The following EPS8 variants were observed in gnomAD, a reference collection of about 807,000 sequenced individuals.
EPS8 encodes epidermal growth factor receptor kinase substrate 8.
Under a neutral mutation model 103.8 loss-of-function variants are expected in EPS8, and 42 were observed. That is an observed-to-expected ratio of 0.40 (90% confidence interval 0.32 to 0.52). The LOEUF (loss-of-function observed/expected upper bound fraction) is 0.52. Among genes scored for constraint, EPS8 ranks in the 20% least tolerant of loss-of-function variants. The pLI is 0.40. For synonymous variants in EPS8, 344 were observed against 344.6 expected (o/e 1.00, Z 0.02); for missense variants, 969 against 1,005.1 (o/e 0.96, Z 0.49).
rs146712449 is a variant in EPS8 at position 15,701,280 on chromosome 12, A to G, written c.-21-18308T>C. 3.3e-5 allele frequency among the ~76,000 whole-genome samples: 5 copies of G among 152,344 alleles called. No individual in the cohort carries two copies. The highest frequency in any genetic ancestry group is 1.2e-4 in the African/African-American group (5 of 41,574). On this transcript the variant is annotated intron_variant, in intron 1 of 20. Coordinates refer to ENST00000281172, the MANE Select transcript of EPS8 (RefSeq NM_004447.6). The surrounding 1 kb of genome is among the most constrained non-coding windows in gnomAD (Gnocchi z 5.1). The stretch of plus-strand genomic sequence containing the variant: ...TTCAATTGATAAGCATAACTCTAAA[A>G]GGCAGGTACTACTTTTATCTCTAGT...
intron 19 of EPS8, among the ~76,000 whole-genome samples, chr12:15,623,660 T>C (rs978076821): frequency 1.3e-5 from 2 of 152,210 alleles, no homozygotes; most frequent in Admixed American, 1.3e-4. Context: ...GTTTATAATA[T>C]GTCAAGGTCC....
At chr12:15,664,412 A>G (rs1239258026) in intron 8 of EPS8, among the ~76,000 whole-genome samples, 4 of 152,220 alleles carry the variant, frequency 2.6e-5, no homozygotes, top group Non-Finnish European at 5.9e-5. Context: ...CAATTCAGAA[A>G]GAAAATGAAC....
At position 15,716,137 on chromosome 12, in the gene EPS8, G is replaced by C. The variant is rs893319377; in HGVS notation, c.-21-33165C>G. ...CTTGAGAGCTGAAAGAAATCTGAGA[G>C]AGTATCCCAATTCCAATCCCTGTCA... On this transcript the variant is annotated intron_variant, in intron 1 of 20. Transcript: ENST00000281172. This position sits in a 1 kb window ranked among gnomAD's most constrained non-coding sequence, Gnocchi z 5.0. Among the ~76,000 whole-genome samples, 17 of 152,238 alleles carry C rather than the reference G, an allele frequency of 1.1e-4. No homozygotes were observed. Among genetic ancestry groups the C allele is most frequent in the African/African-American group, 3.9e-4 (16 of 41,536 alleles).
At chr12:15,712,285 T>A (rs1205750065) in intron 1 of EPS8, among the ~76,000 whole-genome samples, 1 of 151,948 alleles carries the variant, frequency 6.6e-6, no homozygotes, top group Non-Finnish European at 1.5e-5. Context: ...GTATTTTAGG[T>A]CCCAAGCAAA....
rs1438921821 is a variant in EPS8, at chr12:15,698,682, A to G, written c.-21-15710T>C. 6.6e-6 allele frequency among the ~76,000 whole-genome samples: 1 copy of G among 152,124 alleles called. No individual in the cohort carries two copies. The highest frequency in any genetic ancestry group is 6.5e-5 in the Admixed American group (1 of 15,268). On this transcript the variant is annotated intron_variant, in intron 1 of 20. Coordinates refer to ENST00000281172, the MANE Select transcript of EPS8 (RefSeq NM_004447.6). This position sits in a 1 kb window ranked among gnomAD's most constrained non-coding sequence, Gnocchi z 4.9. ...ACTTTCCCTGCCCTCCTAAGAACTG[A>G]GCTGTTCAATTCCAGATCCTAACAA...
chr12:15,779,946 G>A lies in EPS8; in HGVS notation c.-22+9215C>T, dbSNP rs989788429. The A allele has an allele frequency of 1.3e-5, 2 of 152,118 alleles. No homozygotes were observed. The highest frequency in any genetic ancestry group is 2.9e-5 in the Non-Finnish European group (2 of 68,022). The allele number at this position is 152,118 out of a possible 1,614,324, so 9.4% of individuals were successfully genotyped here. On this transcript the variant is annotated intron_variant, in intron 1 of 20. Transcript: ENST00000281172. The surrounding 1 kb of genome is among the most constrained non-coding windows in gnomAD (Gnocchi z 4.3). ...GCTTCATAGATTATTACATTCTTTT[G>A]TTGCTATGCTACTAAATGTAAGAAT...
At chr12:15,770,981 G>A (rs1432596979) in intron 1 of EPS8, among the ~76,000 whole-genome samples, 1 of 152,098 alleles carries the variant, frequency 6.6e-6, no homozygotes, top group Non-Finnish European at 1.5e-5. Context: ...AATCAGATAT[G>A]GAGCCTACCT....
chr12:15,726,238 G>T (rs981003344), intron 1 of EPS8, among the ~76,000 whole-genome samples: 1 of 152,056 alleles, frequency 6.6e-6, no homozygotes, highest in African/African-American at 2.4e-5. Flanking sequence ...GAGGAACAAA[G>T]ATTACAAGCA....
rs1331830095 is a variant in EPS8, at chr12:15,757,735, G to T, written c.-22+31426C>A. Among the ~76,000 whole-genome samples the T allele has an allele frequency of 6.6e-6, 1 of 152,200 alleles. No homozygotes were observed. The highest frequency in any genetic ancestry group is 1.5e-5 in the Non-Finnish European group (1 of 68,034). ...ACTGACATTACATGCCCCCTAATGT[G>T]ATGCAACAGGAAATGCAGACCATCA... is the stretch of plus-strand genomic sequence containing the variant. On this transcript the variant is annotated intron_variant, in intron 1 of 20. Coordinates refer to ENST00000281172, the MANE Select transcript of EPS8 (RefSeq NM_004447.6). The surrounding 1 kb of genome is among the most constrained non-coding windows in gnomAD (Gnocchi z 4.1).
In EPS8 at chr12:15,784,505, T is replaced by A. The variant is rs1947290502; in HGVS notation, c.-22+4656A>T. On this transcript the variant is annotated intron_variant, in intron 1 of 20. Coordinates refer to ENST00000281172, the MANE Select transcript of EPS8 (RefSeq NM_004447.6). The surrounding 1 kb of genome is among the most constrained non-coding windows in gnomAD (Gnocchi z 4.0). ...TGACAAAATCAAATGCTAGCAAAGA[T>A]GTGGGGCAATAAGAACTCACATTCA... Among the ~76,000 whole-genome samples, 1 of 152,134 alleles carries A rather than the reference T, an allele frequency of 6.6e-6. No homozygotes were observed. Among genetic ancestry groups the A allele is most frequent in the Admixed American group, 6.5e-5 (1 of 15,272 alleles).
intron 1 of EPS8, among the ~76,000 whole-genome samples, chr12:15,711,033 CTTATTTATTTATTTAT>C (rs143155444): frequency 4.1e-3 from 562 of 136,506 alleles, no homozygotes; most frequent in Middle Eastern, 7.1e-3. Context: ...CCATGCCAGG[CTTATTTATTTATTTAT>C]TTATTTATTT....
rs1267725035 is a variant in EPS8 at position 15,738,743 on chromosome 12, G to T, written c.-22+50418C>A. Among the ~76,000 whole-genome samples, 1 of 148,470 alleles carries T rather than the reference G, an allele frequency of 6.7e-6. No homozygotes were observed. The highest frequency in any genetic ancestry group is 1.5e-5 in the Non-Finnish European group (1 of 66,704). On this transcript the variant is annotated intron_variant, in intron 1 of 20. Coordinates refer to ENST00000281172, the MANE Select transcript of EPS8 (RefSeq NM_004447.6). This position sits in a 1 kb window ranked among gnomAD's most constrained non-coding sequence, Gnocchi z 6.2. ...CTACAAAAGGACACAGGCCAACTTG[G>T]TTTTTTTTTTGTAATACCAGCAGCT... is the stretch of plus-strand genomic sequence containing the variant.
At chr12:15,636,633 A>T (rs940625650) in intron 17 of EPS8, among the ~76,000 whole-genome samples, 2 of 152,180 alleles carry the variant, frequency 1.3e-5, no homozygotes, top group African/African-American at 4.8e-5. Flanking sequence ...GCCATTATTT[A>T]TATATATGTC....
At chr12:15,655,012 C>A (rs1188249950) in intron 12 of EPS8, among the ~76,000 whole-genome samples, 1 of 152,124 alleles carries the variant, frequency 6.6e-6, no homozygotes, top group Non-Finnish European at 1.5e-5. Context: ...GTAGTTATCT[C>A]CTAGAGCAGA....
In EPS8 at chr12:15,696,325, C is replaced by T. The variant is rs1946242485; in HGVS notation, c.-21-13353G>A. ...AACAGTAAAATCTATAAAACACTAA[C>T]TTTAGAGACTTTCCAAGTTTAAGAA... On this transcript the variant is annotated intron_variant, in intron 1 of 20. Transcript: ENST00000281172. The surrounding 1 kb of genome is among the most constrained non-coding windows in gnomAD (Gnocchi z 4.8). Among the ~76,000 whole-genome samples the T allele has an allele frequency of 6.6e-6, 1 of 152,038 alleles. No homozygotes were observed. The highest frequency in any genetic ancestry group is 6.6e-5 in the Admixed American group (1 of 15,258).
intron 11 of EPS8, 129 bp from the exon 12 acceptor site, chr12:15,658,282 T>C: frequency 1.5e-6 from 1 of 686,558 alleles, no homozygotes; most frequent in South Asian, 1.8e-5. Flanking sequence ...TTAGCATGGA[T>C]AGAGTGAGAA....
intron 3 of EPS8, among the ~76,000 whole-genome samples, chr12:15,674,130 A>C (rs1210878054): frequency 1.3e-5 from 2 of 152,240 alleles, no homozygotes; most frequent in Non-Finnish European, 2.9e-5. Context: ...TATAAAAAGC[A>C]TCCAGGTGTT....
In EPS8 at chr12:15,777,699, C is replaced by G. The variant is rs148859486; in HGVS notation, c.-22+11462G>C. On this transcript the variant is annotated intron_variant, in intron 1 of 20. Transcript: ENST00000281172. This position sits in a 1 kb window ranked among gnomAD's most constrained non-coding sequence, Gnocchi z 4.7. ...TCAAAGTTATGAAAAATATACTTTT[C>G]TATTAAAGCCATCTGAGGATTGAAA... 2.6e-4 allele frequency among the ~76,000 whole-genome samples: 40 copies of G among 152,166 alleles called. No homozygotes were observed. The East Asian group carries it at 5.2e-3, about 20-fold the overall frequency.
Position 15,780,996 on chromosome 12 carries a change from G to C in EPS8, c.-22+8165C>G, listed in dbSNP as rs1413512203. Among the ~76,000 whole-genome samples, 1 of 152,082 alleles carries C rather than the reference G, an allele frequency of 6.6e-6. No homozygotes were observed. The highest frequency in any genetic ancestry group is 2.4e-5 in the African/African-American group (1 of 41,412). ...CATATGTTGGCCTTAAATACATCAG[G>C]GAACTTAACTGACTCAGTTCCCTGC... On this transcript the variant is annotated intron_variant, in intron 1 of 20. Transcript: ENST00000281172. The surrounding 1 kb of genome is among the most constrained non-coding windows in gnomAD (Gnocchi z 4.1).
Sources: allele counts gnomAD v4.1 joint callset (sites outside exome capture counted in the v4.1 genomes callset), GRCh38; gene constraint gnomAD v4.1.1; non-coding constraint Gnocchi (gnomAD v3.1); transcripts MANE v1.5; gene names NCBI Gene and HGNC (gene_info 2026-07-23, HGNC 2026-07-21).